RFFL: variants seen among roughly 807,000 people sequenced by gnomAD.
The protein encoded by RFFL is E3 ubiquitin-protein ligase rififylin.
A neutral mutation model predicts 40.4 loss-of-function variants in RFFL; 16 were observed. That is an observed-to-expected ratio of 0.40 (90% CI 0.27 to 0.60). The LOEUF (loss-of-function observed/expected upper bound fraction) is 0.60, where lower values mean the gene tolerates loss of function less well. Ranked by LOEUF, RFFL falls within the 20% of genes least tolerant of loss-of-function variation. The pLI is 0.47. For missense variants in RFFL, 367 were observed against 451.7 expected (o/e 0.81, Z 1.70); for synonymous variants, 154 against 167.9 (o/e 0.92, Z 0.64).
intron 1 of RFFL, among the ~76,000 whole-genome samples, chr17:35,070,522 T>C (rs2091342793): frequency 6.6e-6 from 1 of 152,182 alleles, no homozygotes; most frequent in Admixed American, 6.5e-5. Context: ...CAAAACAATT[T>C]GAAAAAGTTT....
chr17:35,081,423 A>G (rs1420969003), intron 1 of RFFL, among the ~76,000 whole-genome samples: 1 of 152,244 alleles, frequency 6.6e-6, no homozygotes, highest in Admixed American at 6.5e-5. Flanking sequence ...ATCTAAAAAG[A>G]ATAGAACGAT....
chr17:35,016,434 C>T lies in RFFL; in HGVS notation c.822G>A (p.Glu274=), dbSNP rs756103078. The part of the protein sequence containing the change: ...RNFVNYKGCC[E]KWELMERVTR... Reference sequence around the variant, plus strand: ...TCACTCTCTCCATCAGCTCCCACTTCTCACAGCAGCCCTTGTAGTTGACAA... The same window carrying T: ...TCACTCTCTCCATCAGCTCCCACTTTTCACAGCAGCCCTTGTAGTTGACAA... The change falls in exon 5 of 7, where the codon GAG becomes GAA. Residue 274 remains glutamate, a synonymous_variant. Coordinates refer to ENST00000394597, the MANE Select transcript of RFFL (RefSeq NM_001017368.2). 1 of 1,614,232 alleles carries T rather than the reference C, an allele frequency of 6.2e-7. No individual in the cohort carries two copies. Among genetic ancestry groups the T allele is most frequent in the Non-Finnish European group, 8.5e-7 (1 of 1,180,034 alleles).
At position 35,008,283 on chromosome 17, in the gene RFFL, A is replaced by G. The variant is rs570284376; in HGVS notation, c.*3685T>C. 2.6e-5 allele frequency: 4 copies of G among 152,222 alleles called. No homozygotes were observed. Among genetic ancestry groups the G allele is most frequent in the Non-Finnish European group, 5.9e-5 (4 of 68,050 alleles). 9.4% of individuals were successfully genotyped at this position (152,222 alleles called of 1,614,324 possible). A position where few individuals can be genotyped will look rare whatever the true frequency, so the allele number is the denominator to read the frequency against. On this transcript the variant is annotated 3_prime_UTR_variant, in exon 7 of 7. Coordinates refer to ENST00000394597, the MANE Select transcript of RFFL (RefSeq NM_001017368.2). ...CTCTCATTCTCTTCTAGGTTGTTCCATGGCCTCTTCCATATATTACATTTG... is the reference window on the plus strand; with the variant it reads ...CTCTCATTCTCTTCTAGGTTGTTCCGTGGCCTCTTCCATATATTACATTTG...
At chr17:35,078,398 A>G (rs887505504) in intron 1 of RFFL, among the ~76,000 whole-genome samples, 1 of 152,134 alleles carries the variant, frequency 6.6e-6, no homozygotes, top group Non-Finnish European at 1.5e-5. Flanking sequence ...AAACTCCTGG[A>G]CTCAAGCAAT....
At chr17:35,074,094 G>A (rs982538963) in intron 1 of RFFL, 1 of 152,146 alleles carries the variant, frequency 6.6e-6, no homozygotes, top group Non-Finnish European at 1.5e-5. Flanking sequence ...AATAAATGGT[G>A]AAACACCATT....
At position 35,009,693 on chromosome 17, in the gene RFFL, T is replaced by G. The variant is rs1385056264; in HGVS notation, c.*2275A>C. Reference sequence around the variant, plus strand: ...GCAAAATGAGTAAACAACCTCAGTTTTAATTCTTACTGAGGTTACTAACCA... The same window carrying G: ...GCAAAATGAGTAAACAACCTCAGTTGTAATTCTTACTGAGGTTACTAACCA... On this transcript the variant is annotated 3_prime_UTR_variant, in exon 7 of 7. Transcript: ENST00000394597. 1.3e-5 allele frequency: 2 copies of G among 152,216 alleles called. No individual in the cohort carries two copies. Among genetic ancestry groups the G allele is most frequent in the East Asian group, 3.8e-4 (2 of 5,196 alleles). 9.4% of individuals were successfully genotyped at this position (152,216 alleles called of 1,614,324 possible).
At position 35,021,563 on chromosome 17, in the gene RFFL, G is replaced by A; in HGVS notation, c.399C>T (p.Val133=). 1 of 1,614,170 alleles carries A rather than the reference G, an allele frequency of 6.2e-7. No homozygotes were observed. Residue 133 remains valine (V), a synonymous_variant, in exon 3 of 7, where the codon GTC becomes GTT. Coordinates refer to ENST00000394597, the MANE Select transcript of RFFL (RefSeq NM_001017368.2). ...GGGAGATTACAGGCTGCTGGCCAAG[G>A]ACCAAGAGCACCAGCTCTTCTTTCT... The part of the protein sequence containing the change: ...CREKEELVLL[V]LGQQPVISQE...
intron 1 of RFFL, among the ~76,000 whole-genome samples, chr17:35,079,017 C>T (rs2091391234): frequency 6.6e-6 from 1 of 151,458 alleles, no homozygotes; most frequent in South Asian, 2.1e-4. Flanking sequence ...GTTGGGAAGA[C>T]CAACGGTATA....
chr17:35,019,359 T>A (rs756827268), intron 3 of RFFL, among the ~76,000 whole-genome samples: 2 of 152,136 alleles, frequency 1.3e-5, no homozygotes, highest in African/African-American at 2.4e-5. Flanking sequence ...TTGAAAAATC[T>A]ACCTGAAAAG....
At chr17:35,047,946 T>G (rs913951286) in intron 1 of RFFL, among the ~76,000 whole-genome samples, 2 of 150,106 alleles carry the variant, frequency 1.3e-5, no homozygotes, top group African/African-American at 4.9e-5. Flanking sequence ...GAGACGGGGT[T>G]TCACCACGTT....
Position 35,086,511 on chromosome 17 carries a change from A to G in RFFL, c.-9+2594T>C, listed in dbSNP as rs2091430735. 4.6e-5 allele frequency among the ~76,000 whole-genome samples: 7 copies of G among 151,732 alleles called. No homozygotes were observed. The South Asian group carries it at 1.5e-3, about 31-fold the overall frequency. Reference sequence around the variant, plus strand: ...AAAAAAAAAAAAGACTATCTTTACAATTGCCAAAATCTTTCTTACACAAAC... The same window carrying G: ...AAAAAAAAAAAAGACTATCTTTACAGTTGCCAAAATCTTTCTTACACAAAC... On this transcript the variant is annotated intron_variant, in intron 1 of 6. Transcript: ENST00000315249.
chr17:35,026,709 T>C, intron 1 of RFFL, 148 bp from the exon 2 acceptor site: 1 of 645,954 alleles, frequency 1.5e-6, no homozygotes, highest in Non-Finnish European at 2.6e-6. Flanking sequence ...ACAGATTTTG[T>C]TTTTCTTCTT....
chr17:35,034,636 C>G (rs2091108180), intron 1 of RFFL, among the ~76,000 whole-genome samples: 1 of 151,816 alleles, frequency 6.6e-6, no homozygotes. Flanking sequence ...TAAAGCGATT[C>G]TCCTGCCTCA....
At chr17:35,037,345 T>C (rs16970569) in intron 1 of RFFL, among the ~76,000 whole-genome samples, 3,552 of 152,276 alleles carry the variant, frequency 0.023, 171 homozygotes, top group African/African-American at 0.081. Context: ...TATGAATCAT[T>C]AGTACAGAAT....
At chr17:35,085,764 T>G (rs1314431852) in intron 1 of RFFL, among the ~76,000 whole-genome samples, 1 of 152,164 alleles carries the variant, frequency 6.6e-6, no homozygotes, top group Non-Finnish European at 1.5e-5. Context: ...GGAAACTGTT[T>G]AAAAACATGC....
intron 1 of RFFL, among the ~76,000 whole-genome samples, chr17:35,048,926 A>T (rs2091216017): frequency 1.3e-5 from 2 of 152,088 alleles, no homozygotes; most frequent in African/African-American, 4.8e-5. Flanking sequence ...TGCCAGGAGG[A>T]TGTGATCTAC....
intron 3 of RFFL, among the ~76,000 whole-genome samples, chr17:35,019,144 A>G (rs1486182089): frequency 1.3e-5 from 2 of 152,228 alleles, no homozygotes; most frequent in Non-Finnish European, 2.9e-5. Context: ...CTTGTCAGAC[A>G]GTACTGCGTA....
chr17:35,053,858 GAATCCCGTTAAC>G (rs1268011016), intron 1 of RFFL, among the ~76,000 whole-genome samples: 2 of 152,102 alleles, frequency 1.3e-5, no homozygotes, highest in African/African-American at 2.4e-5. Flanking sequence ...ACAAATTCCA[GAATCCCGTTAAC>G]GGAAAAGGAA....
rs991207316 is a variant in RFFL at position 35,063,645 on chromosome 17, C to G, written c.-78G>C. The G allele has an allele frequency of 2.0e-5, 3 of 152,246 alleles. No homozygotes were observed. Among genetic ancestry groups the G allele is most frequent in the African/African-American group, 7.2e-5 (3 of 41,530 alleles). 9.4% of individuals were successfully genotyped at this position (152,246 alleles called of 1,614,324 possible). A position where few individuals can be genotyped will look rare whatever the true frequency, so the allele number is the denominator to read the frequency against. ...TGTCTCTAGTTCCTGTGGCTGAGGT[C>G]GCTGGAGCCATGTTCAGATGAGATC... On this transcript the variant is annotated 5_prime_UTR_variant, in exon 1 of 7. Transcript: ENST00000394597.
Sources: allele counts gnomAD v4.1 joint callset (sites outside exome capture counted in the v4.1 genomes callset), GRCh38; gene constraint gnomAD v4.1.1; transcripts MANE v1.5; gene names NCBI Gene and HGNC (gene_info 2026-07-23, HGNC 2026-07-21).